Variants in RIC8B observed in about 807,000 individuals in gnomAD.
The protein encoded by RIC8B is chaperone Ric-8B.
In RIC8B, 16 loss-of-function variants were observed where a neutral mutation model predicts 57.5. That is an observed-to-expected ratio of 0.28 (90% CI 0.19 to 0.42). RIC8B has a LOEUF of 0.42. RIC8B is among the 10% of genes least tolerant of loss of function. The pLI, the probability that RIC8B is intolerant of heterozygous loss-of-function variation, is 1.00. For missense variants in RIC8B, 481 were observed against 677.0 expected (o/e 0.71, Z 3.21); for synonymous variants, 216 against 250.8 (o/e 0.86, Z 1.31).
At chr12:106,779,266 C>T (rs1380562781) in intron 1 of RIC8B, among the ~76,000 whole-genome samples, 1 of 136,068 alleles carries the variant, frequency 7.3e-6, no homozygotes, top group Non-Finnish European at 1.6e-5. Context: ...GAGTCTCATT[C>T]TGCCGCCCAG....
chr12:106,781,610 C>A (rs1057324761), intron 1 of RIC8B, among the ~76,000 whole-genome samples: 2 of 152,116 alleles, frequency 1.3e-5, no homozygotes, highest in African/African-American at 4.8e-5. Flanking sequence ...ATAATTAGAC[C>A]TTGGTACTAT....
chr12:106,786,318 T>G (rs902547825), intron 2 of RIC8B, among the ~76,000 whole-genome samples: 2 of 151,826 alleles, frequency 1.3e-5, no homozygotes, highest in African/African-American at 4.8e-5. Context: ...CCCAGCTAAT[T>G]TTTAGTATTT....
At chr12:106,860,819 C>G (rs189082512) in intron 8 of RIC8B, among the ~76,000 whole-genome samples, 39 of 152,146 alleles carry the variant, frequency 2.6e-4, no homozygotes, top group African/African-American at 8.9e-4. Flanking sequence ...CTGATCCTCC[C>G]CCTTGCATAA....
intron 4 of RIC8B, among the ~76,000 whole-genome samples, chr12:106,829,673 G>A (rs1249383359): frequency 3.3e-5 from 5 of 151,958 alleles, no homozygotes; most frequent in Admixed American, 1.3e-4. Flanking sequence ...TCTTTTAAGT[G>A]TACAATTTGG....
chr12:106,843,822 T>C, intron 5 of RIC8B, 30 bp from the exon 6 acceptor site: 1 of 1,524,474 alleles, frequency 6.6e-7, no homozygotes, highest in Non-Finnish European at 9.0e-7. Flanking sequence ...ACTAACGTAT[T>C]TCAAAAACAT....
chr12:106,802,200 AT>A (rs2044763039), intron 2 of RIC8B, among the ~76,000 whole-genome samples: 1 of 152,222 alleles, frequency 6.6e-6, no homozygotes, highest in South Asian at 2.1e-4. Flanking sequence ...ATTTATTTTC[AT>A]GTAGAAATCG....
chr12:106,831,261 G>A (rs536348487), intron 4 of RIC8B, among the ~76,000 whole-genome samples: 151 of 152,292 alleles, frequency 9.9e-4, no homozygotes, highest in Middle Eastern at 6.8e-3. Flanking sequence ...CTTCTCCACT[G>A]CACACAGAGG....
chr12:106,837,634 C>CTTTTTTTTTTTTTTTTTTTTTT (rs1298629651), intron 4 of RIC8B, among the ~76,000 whole-genome samples: 1 of 122,164 alleles, frequency 8.2e-6, no homozygotes, highest in African/African-American at 3.2e-5. Flanking sequence ...ATCTGAAAAT[C>CTTTTTTTTTTTTTTTTTTTTTT]TTTTGTTTTT....
At chr12:106,817,786 C>T (rs986031723) in intron 3 of RIC8B, among the ~76,000 whole-genome samples, 1 of 148,222 alleles carries the variant, frequency 6.7e-6, no homozygotes, top group Non-Finnish European at 1.5e-5. Flanking sequence ...GATCGCGCCA[C>T]TGCACTCCAG....
At chr12:106,843,700 C>T in intron 5 of RIC8B, 152 bp from the exon 6 acceptor site, 1 of 511,824 alleles carries the variant, frequency 2.0e-6, no homozygotes, top group Non-Finnish European at 3.3e-6. Flanking sequence ...CCAGCCTGGG[C>T]AACAGAGGGA....
intron 7 of RIC8B, among the ~76,000 whole-genome samples, chr12:106,852,781 A>G (rs945811553): frequency 6.6e-6 from 1 of 152,186 alleles, no homozygotes; most frequent in Non-Finnish European, 1.5e-5. Context: ...ACTGTTTAGC[A>G]TCTGTTCTTT....
intron 2 of RIC8B, among the ~76,000 whole-genome samples, chr12:106,791,282 TTTTTC>T (rs1359149813): frequency 6.6e-6 from 1 of 152,190 alleles, no homozygotes; most frequent in African/African-American, 2.4e-5. Flanking sequence ...ACTGTGGATA[TTTTTC>T]TTTTCTGTTT....
intron 4 of RIC8B, among the ~76,000 whole-genome samples, chr12:106,834,983 CAAAAAAAAAAAAAA>C (rs71072695): frequency 6.4e-5 from 2 of 31,280 alleles, no homozygotes; most frequent in Non-Finnish European, 1.3e-4. Context: ...GACTCTGTCT[CAAAAAAAAAAAAAA>C]AAAAAAAAAA....
chr12:106,808,039 C>T (rs1490153872), intron 2 of RIC8B, among the ~76,000 whole-genome samples: 4 of 148,566 alleles, frequency 2.7e-5, no homozygotes, highest in African/African-American at 5.0e-5. Flanking sequence ...GAGCTGAGAT[C>T]GCACCACTGT....
At chr12:106,873,390 T>C (rs142525845) in intron 9 of RIC8B, among the ~76,000 whole-genome samples, 60 of 152,300 alleles carry the variant, frequency 3.9e-4, no homozygotes, top group African/African-American at 1.4e-3. Flanking sequence ...ATGACAAAAC[T>C]GTATAAAGAT....
chr12:106,877,013 A>T (rs577442839), intron 9 of RIC8B, among the ~76,000 whole-genome samples: 1 of 152,234 alleles, frequency 6.6e-6, no homozygotes, highest in South Asian at 2.1e-4. Flanking sequence ...TTCTTCTAGT[A>T]CTATACCTGA....
chr12:106,832,730 C>A (rs2046410798), intron 4 of RIC8B, among the ~76,000 whole-genome samples: 1 of 152,120 alleles, frequency 6.6e-6, no homozygotes, highest in Admixed American at 6.5e-5. Context: ...TCTTAAGAGG[C>A]TAATTGGAAA....
At chr12:106,794,742 G>C (rs1333243240) in intron 2 of RIC8B, among the ~76,000 whole-genome samples, 1 of 152,116 alleles carries the variant, frequency 6.6e-6, no homozygotes, top group Non-Finnish European at 1.5e-5. Flanking sequence ...AGAATTTGTT[G>C]CTAGCTGACT....
chr12:106,876,727 C>G (rs902682085), intron 9 of RIC8B, among the ~76,000 whole-genome samples: 2 of 152,114 alleles, frequency 1.3e-5, no homozygotes, highest in Non-Finnish European at 2.9e-5. Flanking sequence ...AAAGTACTCT[C>G]TGAAATGGTT....
Sources: allele counts gnomAD v4.1 joint callset (sites outside exome capture counted in the v4.1 genomes callset), GRCh38; gene constraint gnomAD v4.1.1; transcripts MANE v1.5; gene names NCBI Gene and HGNC (gene_info 2026-07-23, HGNC 2026-07-21).